Variants in PITPNC1 observed in about 807,000 individuals in gnomAD.
The protein encoded by PITPNC1 is phosphatidylinositol transfer protein cytoplasmic 1.
A neutral mutation model predicts 44.7 loss-of-function variants in PITPNC1; 18 were observed. The ratio of observed to expected loss-of-function variants is 0.40; its 90% CI spans 0.28 to 0.60. The LOEUF (loss-of-function observed/expected upper bound fraction) is 0.60, where lower values mean the gene tolerates loss of function less well. Ranked by LOEUF, PITPNC1 falls within the 20% of genes least tolerant of loss-of-function variation. The probability of loss-of-function intolerance (pLI) is 0.39; values close to 1 mark genes in which losing one functional copy is unlikely to be tolerated. For synonymous variants in PITPNC1, 141 were observed against 149.6 expected (o/e 0.94, Z 0.42); for missense variants, 290 against 418.4 (o/e 0.69, Z 2.68).
chr17:67,460,316 A>G (rs974124206), intron 1 of PITPNC1, among the ~76,000 whole-genome samples: 1 of 152,146 alleles, frequency 6.6e-6, no homozygotes, highest in Non-Finnish European at 1.5e-5. Context: ...TTAGCCTTCA[A>G]CTGTGTTCCA....
intron 1 of PITPNC1, among the ~76,000 whole-genome samples, chr17:67,382,204 T>A (rs1221079334): frequency 6.6e-6 from 1 of 152,196 alleles, no homozygotes; most frequent in Non-Finnish European, 1.5e-5. Flanking sequence ...TAGACGGTAC[T>A]GGCCTCTACT....
At chr17:67,528,827 C>T (rs1035273664) in intron 1 of PITPNC1, among the ~76,000 whole-genome samples, 1 of 152,116 alleles carries the variant, frequency 6.6e-6, no homozygotes, top group Non-Finnish European at 1.5e-5. Flanking sequence ...ACACGTGGTT[C>T]AAGGACTCTC....
chr17:67,428,522 G>C (rs1045903791), intron 1 of PITPNC1, among the ~76,000 whole-genome samples: 2 of 147,960 alleles, frequency 1.4e-5, no homozygotes, highest in Non-Finnish European at 3.0e-5. Flanking sequence ...AACAGAGTGA[G>C]ACCCTATCTC....
intron 5 of PITPNC1, among the ~76,000 whole-genome samples, chr17:67,583,313 C>T (rs973398512): frequency 3.9e-5 from 6 of 152,132 alleles, no homozygotes; most frequent in African/African-American, 1.2e-4. Context: ...CTGGGCCAGG[C>T]GGGGTGGCTC....
chr17:67,689,829 T>G (rs79398354), intron 8 of PITPNC1, among the ~76,000 whole-genome samples: 94 of 152,326 alleles, frequency 6.2e-4, no homozygotes, highest in African/African-American at 2.2e-3. Flanking sequence ...TATCCATTTA[T>G]CATAGCAAAA....
At position 67,512,540 on chromosome 17, in the gene PITPNC1, C is replaced by T. The variant is rs72848147; in HGVS notation, c.49-20262C>T. On this transcript the variant is annotated intron_variant, in intron 1 of 8. Coordinates refer to ENST00000581322, the MANE Select transcript of PITPNC1 (RefSeq NM_012417.4). ...AAAAAAAAACAGCTGGACTTGGAGCCGGAAGATCAGAACTGTTAGGCTCTA... is the reference window on the plus strand; with the variant it reads ...AAAAAAAAACAGCTGGACTTGGAGCTGGAAGATCAGAACTGTTAGGCTCTA... Among the ~76,000 whole-genome samples the T allele has an allele frequency of 7.3e-4, 110 of 151,040 alleles. No homozygotes were observed. In the Middle Eastern group the frequency reaches 0.014, roughly 19 times the overall value.
Position 67,377,845 on chromosome 17 carries a change from T to A in PITPNC1, c.-310T>A. 3.0e-6 allele frequency: 1 copy of A among 336,936 alleles called. No individual in the cohort carries two copies. Among genetic ancestry groups the A allele is most frequent in the Non-Finnish European group, 5.3e-6 (1 of 186,926 alleles). The allele number at this position is 336,936 out of a possible 1,614,324, so 20.9% of individuals were successfully genotyped here. ...GATCTGGCGGCCGCTCCTACCACCCTGGGCAGCCGAGCAGAGTCGTCCCCA... is the reference window on the plus strand; with the variant it reads ...GATCTGGCGGCCGCTCCTACCACCCAGGGCAGCCGAGCAGAGTCGTCCCCA... On this transcript the variant is annotated 5_prime_UTR_variant, in exon 1 of 9. Coordinates refer to ENST00000581322, the MANE Select transcript of PITPNC1 (RefSeq NM_012417.4).
At chr17:67,521,717 C>T (rs973373256) in intron 1 of PITPNC1, among the ~76,000 whole-genome samples, 6 of 152,148 alleles carry the variant, frequency 3.9e-5, no homozygotes, top group South Asian at 2.1e-4. Flanking sequence ...TAAAAATACA[C>T]GCTGCTTTCC....
intron 4 of PITPNC1, among the ~76,000 whole-genome samples, chr17:67,562,962 C>T (rs2040925334): frequency 6.6e-6 from 1 of 152,114 alleles, no homozygotes; most frequent in African/African-American, 2.4e-5. Flanking sequence ...CATTTATCAT[C>T]CACTTTCTTC....
intron 1 of PITPNC1, among the ~76,000 whole-genome samples, chr17:67,462,230 T>C (rs1242352177): frequency 1.5e-4 from 21 of 137,008 alleles, no homozygotes; most frequent in Admixed American, 4.4e-4. Flanking sequence ...TCTTTCTTTT[T>C]TTTTTTTTTT....
At chr17:67,541,108 G>A (rs139221777) in intron 2 of PITPNC1, among the ~76,000 whole-genome samples, 1 of 152,154 alleles carries the variant, frequency 6.6e-6, no homozygotes, top group Non-Finnish European at 1.5e-5. Flanking sequence ...CCAGCTACTC[G>A]GGAGGCTGAG....
intron 1 of PITPNC1, among the ~76,000 whole-genome samples, chr17:67,440,853 C>G (rs1033404782): frequency 6.6e-6 from 1 of 152,052 alleles, no homozygotes; most frequent in Non-Finnish European, 1.5e-5. Context: ...TAACCTCTTG[C>G]AGGACTTTTG....
intron 8 of PITPNC1, among the ~76,000 whole-genome samples, chr17:67,678,003 A>G (rs889233318): frequency 6.6e-6 from 1 of 152,132 alleles, no homozygotes; most frequent in Non-Finnish European, 1.5e-5. Flanking sequence ...ACTTGAGCCC[A>G]GGAATTCGAG....
At chr17:67,453,474 T>C (rs983008857) in intron 1 of PITPNC1, among the ~76,000 whole-genome samples, 1 of 152,006 alleles carries the variant, frequency 6.6e-6, no homozygotes, top group Non-Finnish European at 1.5e-5. Flanking sequence ...TAGTTCCAGG[T>C]GTGGGGAATT....
chr17:67,400,517 T>A (rs1416601375), intron 1 of PITPNC1, among the ~76,000 whole-genome samples: 4 of 152,226 alleles, frequency 2.6e-5, no homozygotes, highest in East Asian at 1.9e-4. Context: ...AGCATTTTTT[T>A]AAAACGCATT....
chr17:67,476,374 A>G (rs2144017844), intron 1 of PITPNC1, among the ~76,000 whole-genome samples: 1 of 151,856 alleles, frequency 6.6e-6, no homozygotes, highest in East Asian at 1.9e-4. Flanking sequence ...TTTAGTGGAG[A>G]CGGGGTTTCC....
In PITPNC1 at chr17:67,695,057, A is replaced by G. The variant is rs1256992163; in HGVS notation, c.*2169A>G. 6.6e-6 allele frequency: 1 copy of G among 152,214 alleles called. No homozygotes were observed. The highest frequency in any genetic ancestry group is 6.5e-5 in the Admixed American group (1 of 15,284). 9.4% of individuals were successfully genotyped at this position (152,214 alleles called of 1,614,324 possible). ...AAAGTAGCTTCTGCTGTCAAGGTTA[A>G]CAATTCTATATGCTTTAGGAAGCTA... is the stretch of plus-strand genomic sequence containing the variant. On this transcript the variant is annotated 3_prime_UTR_variant, in exon 9 of 9. Coordinates refer to ENST00000581322, the MANE Select transcript of PITPNC1 (RefSeq NM_012417.4).
intron 1 of PITPNC1, among the ~76,000 whole-genome samples, chr17:67,476,179 C>CTT (rs2039623012): frequency 7.4e-6 from 1 of 135,378 alleles, no homozygotes; most frequent in Non-Finnish European, 1.6e-5. Context: ...GACTAAATTT[C>CTT]TTTCTTTTCT....
At chr17:67,500,455 A>G (rs1009482605) in intron 1 of PITPNC1, among the ~76,000 whole-genome samples, 5 of 152,168 alleles carry the variant, frequency 3.3e-5, no homozygotes, top group Admixed American at 3.3e-4. Context: ...TAGGCACAGA[A>G]AGTTGATGAG....
Sources: gnomAD v4.1 joint callset for allele counts (sites outside exome capture counted in the v4.1 genomes callset) on GRCh38, gnomAD v4.1.1 for gene constraint, MANE v1.5 for transcripts, NCBI Gene and HGNC (gene_info 2026-07-23, HGNC 2026-07-21) for gene names.